The following PRKCA variants were observed in gnomAD, a reference collection of about 807,000 sequenced individuals.
PRKCA encodes the protein protein kinase C alpha, also known as protein kinase C alpha type.
A neutral mutation model predicts 87.0 loss-of-function variants in PRKCA; 27 were observed. The ratio of observed to expected loss-of-function variants is 0.31; its 90% CI spans 0.23 to 0.43. The LOEUF (loss-of-function observed/expected upper bound fraction) is 0.43. PRKCA is among the 20% of genes least tolerant of loss of function. The probability of loss-of-function intolerance (pLI) is 1.00; values close to 1 mark genes in which losing one functional copy is unlikely to be tolerated. For missense variants in PRKCA, 518 were observed against 852.3 expected (o/e 0.61, Z 4.88); for synonymous variants, 329 against 311.1 (o/e 1.06, Z -0.61).
chr17:66,688,266 G>C (rs777499198), intron 6 of PRKCA, 36 bp from the exon 7 acceptor site: 1 of 1,610,140 alleles, frequency 6.2e-7, no homozygotes, highest in Admixed American at 1.7e-5. Flanking sequence ...CCATGATCAA[G>C]ATAACCTAGT....
intron 3 of PRKCA, among the ~76,000 whole-genome samples, chr17:66,508,300 A>G (rs902850326): frequency 6.6e-6 from 1 of 152,218 alleles, no homozygotes; most frequent in South Asian, 2.1e-4. Flanking sequence ...ATTCCAAAAC[A>G]TATTTGTTTT....
At chr17:66,657,273 A>G (rs1391828150) in intron 5 of PRKCA, among the ~76,000 whole-genome samples, 1 of 152,226 alleles carries the variant, frequency 6.6e-6, no homozygotes, top group East Asian at 1.9e-4. Flanking sequence ...TTAATTAAAG[A>G]TAGTCAGGGT....
chr17:66,511,776 G>C (rs8069282), intron 3 of PRKCA, among the ~76,000 whole-genome samples: 74,855 of 151,300 alleles, frequency 0.49, 18,873 homozygotes, highest in East Asian at 0.76. Flanking sequence ...TGCCTCCCAG[G>C]CTCAAGAAAT....
At chr17:66,613,146 C>T (rs1214696162) in intron 3 of PRKCA, among the ~76,000 whole-genome samples, 1 of 152,184 alleles carries the variant, frequency 6.6e-6, no homozygotes, top group Non-Finnish European at 1.5e-5. Context: ...CGACTTTTCT[C>T]ACCTCAATAA....
chr17:66,629,008 A>C (rs914190122), intron 3 of PRKCA, among the ~76,000 whole-genome samples: 25 of 152,242 alleles, frequency 1.6e-4, no homozygotes, highest in Non-Finnish European at 1.0e-4. Context: ...CAGCCTGGGC[A>C]ACAAGAGTGA....
At chr17:66,484,785 T>C (rs1208797266) in intron 2 of PRKCA, among the ~76,000 whole-genome samples, 1 of 152,188 alleles carries the variant, frequency 6.6e-6, no homozygotes, top group Non-Finnish European at 1.5e-5. Flanking sequence ...TCTCCACATA[T>C]TTTTCTTGCT....
intron 2 of PRKCA, among the ~76,000 whole-genome samples, chr17:66,307,887 G>A (rs1478104861): frequency 6.6e-6 from 1 of 152,130 alleles, no homozygotes; most frequent in African/African-American, 2.4e-5. Flanking sequence ...ACTTCTGTTT[G>A]AGACAACCAT....
intron 2 of PRKCA, chr17:66,364,389 A>T (rs1178967580): frequency 6.6e-6 from 1 of 152,224 alleles, no homozygotes; most frequent in African/African-American, 2.4e-5. Flanking sequence ...CATAAAAAAT[A>T]TACAAAATAA....
chr17:66,530,611 G>T (rs915575796), intron 3 of PRKCA, among the ~76,000 whole-genome samples: 1 of 152,140 alleles, frequency 6.6e-6, no homozygotes, highest in Admixed American at 6.6e-5. Context: ...GAGAGCAGGT[G>T]TTGGCTTCCA....
chr17:66,717,229 G>T (rs1325618154), intron 8 of PRKCA, among the ~76,000 whole-genome samples: 4 of 152,186 alleles, frequency 2.6e-5, no homozygotes, highest in Non-Finnish European at 5.9e-5. Flanking sequence ...GCGGCTGCCT[G>T]TCTTCACCAT....
rs569690325 is a variant in PRKCA at position 66,568,878 on chromosome 17, C to T, written c.289-72477C>T. ...ATGTAGGTAAATCAAAGACTGGAAACGTAGGGTCTTTGGAAACTTTTTTCT... is the reference window on the plus strand; with the variant it reads ...ATGTAGGTAAATCAAAGACTGGAAATGTAGGGTCTTTGGAAACTTTTTTCT... On this transcript the variant is annotated intron_variant, in intron 3 of 16. Coordinates refer to ENST00000413366, the MANE Select transcript of PRKCA (RefSeq NM_002737.3). Among the ~76,000 whole-genome samples, 42 of 152,042 alleles carry T rather than the reference C, an allele frequency of 2.8e-4. 2 individuals carry two copies. The highest frequency in any genetic ancestry group is 1.3e-3 in the Admixed American group (20 of 15,262).
At chr17:66,603,890 TTTCACTTAG>T (rs1488155551) in intron 3 of PRKCA, among the ~76,000 whole-genome samples, 1 of 152,222 alleles carries the variant, frequency 6.6e-6, no homozygotes, top group East Asian at 1.9e-4. Context: ...TGGCTTATTA[TTTCACTTAG>T]TATGAAGTCC....
chr17:66,690,827 CAAAAAAAAAAAAAA>C (rs34671486), intron 8 of PRKCA, among the ~76,000 whole-genome samples: 1 of 66,600 alleles, frequency 1.5e-5, no homozygotes, highest in Admixed American at 2.0e-4. Flanking sequence ...GACTCTGTCT[CAAAAAAAAAAAAAA>C]AAAAAAAAAA....
At chr17:66,435,656 C>T (rs190478323) in intron 2 of PRKCA, among the ~76,000 whole-genome samples, 47 of 152,140 alleles carry the variant, frequency 3.1e-4, no homozygotes, top group Non-Finnish European at 6.3e-4. Context: ...ATATAAAGCA[C>T]TGACAAAAAG....
chr17:66,518,653 C>T (rs372209976), intron 3 of PRKCA, among the ~76,000 whole-genome samples: 7 of 152,094 alleles, frequency 4.6e-5, no homozygotes, highest in Admixed American at 2.0e-4. Context: ...TGTTCTGAAT[C>T]GGTCCCTATT....
chr17:66,688,062 G>A (rs1442882090), intron 6 of PRKCA, among the ~76,000 whole-genome samples: 1 of 152,160 alleles, frequency 6.6e-6, no homozygotes, highest in African/African-American at 2.4e-5. Flanking sequence ...AGATAGCCAT[G>A]GCTGGGTCCT....
rs745329705 is a variant in PRKCA at position 66,742,641 on chromosome 17, G to A, written c.1405G>A (p.Val469Ile). ...IIYRDLKLDNVMLDSEGHIKI... is the reference protein window; with the variant it reads ...IIYRDLKLDNIMLDSEGHIKI... ...TTGCAGGGATCTGAAGTTAGATAAC[G>A]TCATGTTGGATTCAGAAGGACATAT... is the stretch of plus-strand genomic sequence containing the variant. The change falls in exon 13 of 17, where the codon GTC (valine) becomes ATC (isoleucine). Residue 469 changes from valine (V) to isoleucine (I), a missense_variant. Around this residue, in one of 5 missense-constraint regions of PRKCA, gnomAD observed 300 missense variants for 496.8 expected, o/e 0.60. Transcript: ENST00000413366. 14 of 1,614,128 alleles carry A rather than the reference G, an allele frequency of 8.7e-6. No homozygotes were observed. Among genetic ancestry groups the A allele is most frequent in the South Asian group, 1.1e-5 (1 of 91,070 alleles).
At chr17:66,476,111 G>A (rs565559845) in intron 2 of PRKCA, among the ~76,000 whole-genome samples, 2 of 152,198 alleles carry the variant, frequency 1.3e-5, no homozygotes, top group Non-Finnish European at 2.9e-5. Flanking sequence ...TGTTGGCTAG[G>A]CTGGTCTTGA....
At chr17:66,385,831 C>T (rs1010854420) in intron 2 of PRKCA, among the ~76,000 whole-genome samples, 2 of 152,196 alleles carry the variant, frequency 1.3e-5, no homozygotes, top group African/African-American at 4.8e-5. Flanking sequence ...GATCTCAGCT[C>T]ACTGCAACTT....
Sources: gnomAD v4.1 joint callset for allele counts (sites outside exome capture counted in the v4.1 genomes callset) on GRCh38, gnomAD v4.1.1 for gene constraint, gnomAD v4.1.1 regional missense constraint, MANE v1.5 for transcripts, NCBI Gene and HGNC (gene_info 2026-07-23, HGNC 2026-07-21) for gene names.